NF1: variants seen among roughly 807,000 people sequenced by gnomAD.
The protein encoded by NF1 is neurofibromin.
NF1 carries 122 observed loss-of-function variants against 325.7 expected under a neutral mutation model. That is an observed-to-expected ratio of 0.37 (90% CI 0.32 to 0.44). The LOEUF is 0.44. Ranked by LOEUF, NF1 falls within the 20% of genes least tolerant of loss-of-function variation. The pLI is 1.00. For synonymous variants in NF1, 1,091 were observed against 1,186.0 expected, an observed-to-expected ratio of 0.92 and a Z score of 1.65; for missense variants, 2,140 against 3,415.4, an observed-to-expected ratio of 0.63 and a Z score of 9.31.
chr17:31,304,315 G>C (rs2068647900), intron 36 of NF1: 1 of 1,614,106 alleles, frequency 6.2e-7, no homozygotes, highest in Non-Finnish European at 8.5e-7. Flanking sequence ...ATCTTGATCA[G>C]AGTTGGGAGG....
At chr17:31,320,725 G>A (rs1458030122) in intron 36 of NF1, among the ~76,000 whole-genome samples, 1 of 152,112 alleles carries the variant, frequency 6.6e-6, no homozygotes, top group Non-Finnish European at 1.5e-5. Flanking sequence ...TTGTATAATA[G>A]TGTTCAGCTT....
intron 10 of NF1, 75 bp from the exon 11 acceptor site, chr17:31,201,336 T>C: frequency 6.8e-7 from 1 of 1,481,282 alleles, no homozygotes; most frequent in Non-Finnish European, 9.3e-7. Context: ...TATTTGCTGT[T>C]CTTTTTGGCT....
At chr17:31,143,652 T>C (rs1436874897) in intron 1 of NF1, among the ~76,000 whole-genome samples, 1 of 152,220 alleles carries the variant, frequency 6.6e-6, no homozygotes, top group African/African-American at 2.4e-5. Flanking sequence ...ATCCATTCTT[T>C]ACCATTGATT....
intron 1 of NF1, among the ~76,000 whole-genome samples, chr17:31,150,439 A>G (rs1916853035): frequency 6.6e-6 from 1 of 152,022 alleles, no homozygotes; most frequent in African/African-American, 2.4e-5. Context: ...TAATACCTTT[A>G]TATGGTATTC....
At chr17:31,280,834 A>ATT (rs541226260) in intron 36 of NF1, among the ~76,000 whole-genome samples, 55 of 134,936 alleles carry the variant, frequency 4.1e-4, no homozygotes, top group Middle Eastern at 3.8e-3. Flanking sequence ...TACTTCGGGG[A>ATT]TTTTTTTTTT....
chr17:31,124,890 C>T (rs1186894016), intron 1 of NF1, among the ~76,000 whole-genome samples: 8 of 151,428 alleles, frequency 5.3e-5, no homozygotes, highest in Non-Finnish European at 1.0e-4. Context: ...CGTGAGCCAC[C>T]GTGCCTGGCC....
At chr17:31,161,919 C>G (rs1342082848) in intron 3 of NF1, among the ~76,000 whole-genome samples, 1 of 150,994 alleles carries the variant, frequency 6.6e-6, no homozygotes, top group Non-Finnish European at 1.5e-5. Flanking sequence ...GTCTGTAGTC[C>G]CAGCTACTTG....
At chr17:31,200,910 T>A (rs2066515982) in intron 9 of NF1, 127 bp from the exon 10 acceptor site, 1 of 1,322,600 alleles carries the variant, frequency 7.6e-7, no homozygotes, top group Non-Finnish European at 1.1e-6. Context: ...ATGGGTGCTT[T>A]GTGCTTCTTC....
At position 31,219,698 on chromosome 17, in the gene NF1, T is replaced by A. The variant is rs1214063984; in HGVS notation, c.1641+580T>A. Among the ~76,000 whole-genome samples, 22 of 147,322 alleles carry A rather than the reference T, an allele frequency of 1.5e-4. No homozygotes were observed. The Admixed American group carries it at 1.5e-3, about 10-fold the overall frequency. On this transcript the variant is annotated intron_variant, in intron 14 of 57. Coordinates refer to ENST00000358273, the MANE Select transcript of NF1 (RefSeq NM_001042492.3). ...ATAGCTACTCTCTAATCCATAACAT[T>A]TTTATCACCCCAGAAAGAAACTTGA...
At chr17:31,251,995 A>G (rs1364762060) in intron 30 of NF1, 1 of 214,218 alleles carries the variant, frequency 4.7e-6, no homozygotes, top group East Asian at 6.9e-5. Context: ...TATTTTTAAA[A>G]TAATTATTCT....
intron 46 of NF1, among the ~76,000 whole-genome samples, chr17:31,339,784 C>A (rs2069770915): frequency 1.3e-5 from 2 of 152,016 alleles, no homozygotes; most frequent in South Asian, 2.1e-4. Context: ...TTCAGAGCAG[C>A]AAGAGATTAC....
At chr17:31,349,972 G>A (rs2070097902) in intron 49 of NF1, among the ~76,000 whole-genome samples, 1 of 152,128 alleles carries the variant, frequency 6.6e-6, no homozygotes, top group Admixed American at 6.5e-5. Context: ...CCTACTTTGT[G>A]TTTGTTAAAG....
In NF1 at chr17:31,334,851, A is replaced by G. The variant is rs111842743; in HGVS notation, c.5826A>G (p.Lys1942=). The stretch of plus-strand genomic sequence containing the variant: ...ATTTTTTTCCAGGTATTGAATTGAA[A>G]CACCTTTGTTTGGAATACATGACTC... The part of the protein sequence containing the change: ...SGFSKSSIEL[K]HLCLEYMTPW... The change falls in exon 40 of 58, where the codon AAA becomes AAG. Residue 1942 remains lysine, a synonymous_variant. Transcript: ENST00000358273. 3.1e-6 allele frequency: 5 copies of G among 1,613,802 alleles called. No homozygotes were observed. The highest frequency in any genetic ancestry group is 4.2e-6 in the Non-Finnish European group (5 of 1,179,904).
intron 4 of NF1, among the ~76,000 whole-genome samples, chr17:31,167,097 A>G (rs1296283251): frequency 6.6e-6 from 1 of 152,172 alleles, no homozygotes; most frequent in Non-Finnish European, 1.5e-5. Flanking sequence ...GCTCTCTATA[A>G]GGGTACCAGA....
intron 12 of NF1, among the ~76,000 whole-genome samples, chr17:31,211,343 G>T (rs2066725490): frequency 1.3e-5 from 2 of 152,160 alleles, no homozygotes; most frequent in Admixed American, 6.6e-5. Flanking sequence ...AAATTAAAAG[G>T]TATTTGAGAT....
At chr17:31,281,455 A>T (rs545595699) in intron 36 of NF1, among the ~76,000 whole-genome samples, 1 of 152,352 alleles carries the variant, frequency 6.6e-6, no homozygotes, top group South Asian at 2.1e-4. Context: ...TTGATCATTT[A>T]TATGGAATAA....
intron 29 of NF1, among the ~76,000 whole-genome samples, chr17:31,237,218 C>T (rs2067218612): frequency 1.3e-5 from 2 of 152,150 alleles, no homozygotes; most frequent in South Asian, 4.1e-4. Context: ...AGAACTCCAG[C>T]ACTAAGCCAA....
intron 57 of NF1, among the ~76,000 whole-genome samples, chr17:31,370,432 T>TA (rs764857057): frequency 6.6e-6 from 1 of 152,210 alleles, no homozygotes; most frequent in Non-Finnish European, 1.5e-5. Flanking sequence ...TTCTTTTTTT[T>TA]ATATACTTGA....
At chr17:31,348,797 AT>A (rs1011044169) in intron 48 of NF1, among the ~76,000 whole-genome samples, 139 of 148,532 alleles carry the variant, frequency 9.4e-4, no homozygotes, top group African/African-American at 2.3e-3. Context: ...TAATACATAG[AT>A]TTTTTTTTTT....
Sources: gnomAD v4.1 joint callset for allele counts (sites outside exome capture counted in the v4.1 genomes callset) on GRCh38, gnomAD v4.1.1 for gene constraint, MANE v1.5 for transcripts, NCBI Gene and HGNC (gene_info 2026-07-23, HGNC 2026-07-21) for gene names.